Variants in MASP1 observed in about 807,000 individuals in gnomAD.
MASP1 encodes mannan-binding lectin serine protease 1.
In MASP1, 59 loss-of-function variants were observed where a neutral mutation model predicts 77.1. The ratio of observed to expected loss-of-function variants is 0.77; its 90% CI spans 0.62 to 0.95. The LOEUF is 0.95. Ranked by LOEUF, MASP1 falls within the 40% of genes least tolerant of loss-of-function variation. The probability of loss-of-function intolerance (pLI) is 0.00; values close to 1 mark genes in which losing one functional copy is unlikely to be tolerated. For missense variants in MASP1, 885 were observed against 912.9 expected (o/e 0.97, Z 0.39); for synonymous variants, 362 against 354.5 (o/e 1.02, Z -0.24).
chr3:187,256,578 G>T, intron 5 of MASP1, 86 bp downstream of exon 5: 1 of 1,253,914 alleles, frequency 8.0e-7, no homozygotes, highest in Non-Finnish European at 1.2e-6. Context: ...CCTGGGAGAA[G>T]AAGGTGAAGG....
chr3:187,237,926 C>T (rs1713312011), intron 10 of MASP1, among the ~76,000 whole-genome samples: 1 of 152,202 alleles, frequency 6.6e-6, no homozygotes, highest in Non-Finnish European at 1.5e-5. Flanking sequence ...TGCTCTTCTT[C>T]CTGAGGCCAG....
At chr3:187,225,251 C>G (rs2108502192) in intron 13 of MASP1, 1 of 1,549,128 alleles carries the variant, frequency 6.5e-7, no homozygotes, top group African/African-American at 1.4e-5. Context: ...GGCACCAGAG[C>G]TTCACCAACG....
intron 2 of MASP1, among the ~76,000 whole-genome samples, chr3:187,280,723 T>C (rs1717342487): frequency 6.6e-6 from 1 of 152,246 alleles, no homozygotes; most frequent in Non-Finnish European, 1.5e-5. Context: ...ATTCACAAGA[T>C]GGGACTTTGC....
At chr3:187,284,530 C>G (rs555462894) in intron 2 of MASP1, among the ~76,000 whole-genome samples, 1 of 152,284 alleles carries the variant, frequency 6.6e-6, no homozygotes, top group Non-Finnish European at 1.5e-5. Flanking sequence ...GACGCAGAGA[C>G]CTATTGTAAA....
intron 14 of MASP1, among the ~76,000 whole-genome samples, chr3:187,221,816 A>AAT (rs1560226521): frequency 6.6e-6 from 1 of 152,188 alleles, no homozygotes; most frequent in African/African-American, 2.4e-5. Flanking sequence ...ATACCCAGAA[A>AAT]ATATATATAT....
At chr3:187,228,937 CT>C (rs769741826) in intron 11 of MASP1, among the ~76,000 whole-genome samples, 7 of 152,238 alleles carry the variant, frequency 4.6e-5, no homozygotes, top group Admixed American at 1.3e-4. Context: ...CTGTCCACCC[CT>C]GGTTGGATCT....
chr3:187,239,914 A>G (rs1713489840), intron 10 of MASP1, among the ~76,000 whole-genome samples: 3 of 151,966 alleles, frequency 2.0e-5, no homozygotes, highest in Admixed American at 2.0e-4. Flanking sequence ...TCAAAACCTG[A>G]CTCCCAAATG....
chr3:187,256,889 G>A (rs371843583), intron 4 of MASP1, 29 bp from the exon 5 acceptor site: 56 of 1,597,096 alleles, frequency 3.5e-5, no homozygotes, highest in South Asian at 9.9e-5. Flanking sequence ...AGAAAATGGC[G>A]CATCGCAACC....
intron 9 of MASP1, 171 bp downstream of exon 9, chr3:187,243,313 C>G: frequency 1.4e-6 from 1 of 724,406 alleles, no homozygotes. Context: ...CACAGTAACA[C>G]AAGCTCATGA....
chr3:187,260,130 A>T (rs1022010302), intron 4 of MASP1, among the ~76,000 whole-genome samples: 1 of 152,180 alleles, frequency 6.6e-6, no homozygotes, highest in Non-Finnish European at 1.5e-5. Flanking sequence ...TTACATGCCC[A>T]TTACCCCACT....
chr3:187,247,290 G>C, intron 8 of MASP1: 1 of 1,614,028 alleles, frequency 6.2e-7, no homozygotes, highest in Non-Finnish European at 8.5e-7. Flanking sequence ...GGTCTTGGGA[G>C]TGATCCATTT....
At chr3:187,291,176 C>T (rs6799834) in intron 1 of MASP1, 2,772 of 205,444 alleles carry the variant, frequency 0.013, 93 homozygotes, top group African/African-American at 0.061. Flanking sequence ...AACCACAGAG[C>T]CAAGCTATGG....
At chr3:187,229,324 C>G (rs1553851271), downstream of MASP1, among the ~76,000 whole-genome samples, 1 of 152,216 alleles carries the variant, frequency 6.6e-6, no homozygotes, top group Non-Finnish European at 1.5e-5. Context: ...TCTCACTGAT[C>G]TCCTGGCCTC....
At chr3:187,287,719 A>T (rs1717976959) in intron 1 of MASP1, among the ~76,000 whole-genome samples, 1 of 152,244 alleles carries the variant, frequency 6.6e-6, no homozygotes, top group African/African-American at 2.4e-5. Context: ...GTGGGGCCTG[A>T]GTCTTAGATA....
chr3:187,279,505 G>C (rs951830356), intron 2 of MASP1, among the ~76,000 whole-genome samples: 1 of 152,112 alleles, frequency 6.6e-6, no homozygotes, highest in African/African-American at 2.4e-5. Flanking sequence ...TATTAGGCTG[G>C]CCAACAAAAT....
At chr3:187,261,769 A>G (rs1000934167) in intron 3 of MASP1, among the ~76,000 whole-genome samples, 2 of 152,226 alleles carry the variant, frequency 1.3e-5, no homozygotes, top group African/African-American at 4.8e-5. Context: ...AGACTTGCAC[A>G]AGAAGGTTCA....
At chr3:187,220,967 T>C in intron 15 of MASP1, 1 of 1,360,228 alleles carries the variant, frequency 7.4e-7, no homozygotes, top group Non-Finnish European at 1.1e-6. Flanking sequence ...GCCTCTGTGC[T>C]CCCTTGCTGG....
In MASP1 at chr3:187,250,331, T is replaced by C. The variant is rs1182617657; in HGVS notation, c.1012-2A>G. ...GAATGTGTCCATCTCCACATTATCCTGGGAAGAGACAGGAAGAAGGGAGTG... is the reference window on the plus strand; with the variant it reads ...GAATGTGTCCATCTCCACATTATCCCGGGAAGAGACAGGAAGAAGGGAGTG... On this transcript the variant is annotated splice_acceptor_variant, in intron 7 of 10. Transcript: ENST00000296280. LOFTEE classifies it high-confidence loss of function. 1 of 1,611,254 alleles carries C rather than the reference T, an allele frequency of 6.2e-7. No individual in the cohort carries two copies. The highest frequency in any genetic ancestry group is 8.5e-7 in the Non-Finnish European group (1 of 1,177,408).
chr3:187,291,335 G>A (rs993088100), intron 1 of MASP1: 23 of 513,882 alleles, frequency 4.5e-5, no homozygotes, highest in Middle Eastern at 5.7e-4. Context: ...AGTCACATTC[G>A]CCAGCAGGCA....
Sources: gnomAD v4.1 joint callset for allele counts (sites outside exome capture counted in the v4.1 genomes callset) on GRCh38, gnomAD v4.1.1 for gene constraint, MANE v1.5 for transcripts, NCBI Gene and HGNC (gene_info 2026-07-23, HGNC 2026-07-21) for gene names.